The following PTPRD variants were observed in gnomAD, a reference collection of about 807,000 sequenced individuals.
The protein encoded by PTPRD is protein tyrosine phosphatase receptor type D.
A neutral mutation model predicts 214.5 loss-of-function variants in PTPRD; 34 were observed. The ratio of observed to expected loss-of-function variants is 0.16; its 90% CI spans 0.12 to 0.21. The LOEUF is 0.21. PTPRD is among the 10% of genes least tolerant of loss of function. The probability of loss-of-function intolerance (pLI) is 1.00; values close to 1 mark genes in which losing one functional copy is unlikely to be tolerated. For missense variants in PTPRD, 2,545 were observed against 2,398.7 expected, an observed-to-expected ratio of 1.06 and a Z score of -1.27; for synonymous variants, 1,128 against 845.7, an observed-to-expected ratio of 1.33 and a Z score of -5.79.
intron 2 of PTPRD, among the ~76,000 whole-genome samples, chr9:10,468,328 G>C (rs550101778): frequency 1.3e-5 from 2 of 152,116 alleles, no homozygotes; most frequent in Admixed American, 1.3e-4. Context: ...CCATAAAAAA[G>C]GATGAGTTCA....
At chr9:9,578,963 A>C (rs1014618450) in intron 7 of PTPRD, among the ~76,000 whole-genome samples, 1 of 152,122 alleles carries the variant, frequency 6.6e-6, no homozygotes, top group Non-Finnish European at 1.5e-5. Flanking sequence ...TAATTCTGAT[A>C]ATTATATTTT....
chr9:8,493,763 T>C (rs1286640550), intron 26 of PTPRD, among the ~76,000 whole-genome samples: 1 of 152,186 alleles, frequency 6.6e-6, no homozygotes, highest in Non-Finnish European at 1.5e-5. Context: ...TTTCTAAAAA[T>C]TGTTAAATAT....
intron 11 of PTPRD, among the ~76,000 whole-genome samples, chr9:8,840,088 G>C (rs953244522): frequency 1.1e-4 from 17 of 152,162 alleles, no homozygotes; most frequent in African/African-American, 4.1e-4. Context: ...CTTTGAAATA[G>C]ATGAATAAAA....
intron 3 of PTPRD, among the ~76,000 whole-genome samples, chr9:10,112,322 T>A (rs1219845758): frequency 6.6e-6 from 1 of 152,192 alleles, no homozygotes; most frequent in Non-Finnish European, 1.5e-5. Context: ...ATGGAGTTAA[T>A]AGGAGGCTCA....
In PTPRD at chr9:9,173,553, A is replaced by C. The variant is rs565943486; in HGVS notation, c.-143+9751T>G. Among the ~76,000 whole-genome samples, 3 of 152,292 alleles carry C rather than the reference A, an allele frequency of 2.0e-5. No homozygotes were observed. The South Asian group carries it at 6.2e-4, about 32-fold the overall frequency. ...GTATAGCCTACTACCCACCTAGGCTATATGGTATAGCTTATTACTCCTAGG... is the reference window on the plus strand; with the variant it reads ...GTATAGCCTACTACCCACCTAGGCTCTATGGTATAGCTTATTACTCCTAGG... On this transcript the variant is annotated intron_variant, in intron 10 of 45. Coordinates refer to ENST00000381196, the MANE Select transcript of PTPRD (RefSeq NM_002839.4).
At chr9:8,771,318 T>G (rs575719334) in intron 11 of PTPRD, among the ~76,000 whole-genome samples, 17 of 152,344 alleles carry the variant, frequency 1.1e-4, no homozygotes, top group Admixed American at 3.9e-4. Flanking sequence ...AAACCAGGCA[T>G]GTATGCAAGT....
intron 8 of PTPRD, among the ~76,000 whole-genome samples, chr9:9,465,900 G>A (rs1589154216): frequency 6.6e-6 from 1 of 151,902 alleles, no homozygotes; most frequent in Non-Finnish European, 1.5e-5. Flanking sequence ...ACACCCAATC[G>A]GCCACAACCA....
intron 4 of PTPRD, among the ~76,000 whole-genome samples, chr9:9,945,073 T>TA (rs1200101983): frequency 6.6e-6 from 1 of 152,160 alleles, no homozygotes; most frequent in African/African-American, 2.4e-5. Context: ...TGTGGTATGT[T>TA]AAAAGAAATT....
intron 3 of PTPRD, among the ~76,000 whole-genome samples, chr9:10,278,814 G>A (rs188168840): frequency 0.044 from 6,613 of 151,402 alleles, 392 homozygotes; most frequent in Admixed American, 0.17. Flanking sequence ...TCGCTCTGTT[G>A]CCCAGGCTGG....
At chr9:10,475,572 C>T (rs137868832) in intron 2 of PTPRD, among the ~76,000 whole-genome samples, 9 of 152,068 alleles carry the variant, frequency 5.9e-5, no homozygotes, top group Non-Finnish European at 1.2e-4. Flanking sequence ...GGAGCTGGTA[C>T]CATTACTTCT....
chr9:10,119,529 T>C (rs1275455969), intron 3 of PTPRD, among the ~76,000 whole-genome samples: 1 of 151,996 alleles, frequency 6.6e-6, no homozygotes, highest in African/African-American at 2.4e-5. Context: ...ATAATTTTTA[T>C]AACAGAGTAT....
At position 8,466,892 on chromosome 9, in the gene PTPRD, A is replaced by G. The variant is rs7854741; in HGVS notation, c.3505-1217T>C. On this transcript the variant is annotated intron_variant, in intron 31 of 45. Transcript: ENST00000381196. ...AGTGTGATCTCTACTTAGTAGAATG[A>G]GAGCCTGGCATGATCAAGGCTAGGC... 6.7e-3 allele frequency among the ~76,000 whole-genome samples: 1,022 copies of G among 151,948 alleles called. 11 individuals carry two copies. Among genetic ancestry groups the G allele is most frequent in the African/African-American group, 0.023 (964 of 41,488 alleles).
At chr9:8,991,700 T>C (rs1291302728) in intron 11 of PTPRD, among the ~76,000 whole-genome samples, 3 of 152,178 alleles carry the variant, frequency 2.0e-5, no homozygotes, top group Non-Finnish European at 4.4e-5. Flanking sequence ...AATTTGCCTC[T>C]TAGGGTAATT....
rs73641495 is a variant in PTPRD at position 9,364,286 on chromosome 9, C to A, written c.-203+33163G>T. On this transcript the variant is annotated intron_variant, in intron 9 of 45. Transcript: ENST00000381196. ...ATTCATATACAGGCACTGTTCTATA[C>A]CCTGGATTACAGTAGTAAACAAAAT... is the stretch of plus-strand genomic sequence containing the variant. 7.6e-3 allele frequency among the ~76,000 whole-genome samples: 1,146 copies of A among 151,424 alleles called. 9 individuals carry two copies. The highest frequency in any genetic ancestry group is 0.026 in the African/African-American group (1,075 of 41,416).
chr9:8,460,854 T>C (rs955950497), intron 32 of PTPRD, among the ~76,000 whole-genome samples: 2 of 152,068 alleles, frequency 1.3e-5, no homozygotes, highest in African/African-American at 4.8e-5. Flanking sequence ...TTCTATATGG[T>C]GTATTAAATG....
chr9:9,983,496 C>A (rs1366734388), intron 4 of PTPRD, among the ~76,000 whole-genome samples: 1 of 152,288 alleles, frequency 6.6e-6, no homozygotes, highest in East Asian at 1.9e-4. Context: ...TTTATTACAA[C>A]CAACAATAAA....
chr9:10,022,421 T>A (rs1262534185), intron 4 of PTPRD, among the ~76,000 whole-genome samples: 1 of 150,068 alleles, frequency 6.7e-6, no homozygotes, highest in East Asian at 2.0e-4. Context: ...TGAATAAATG[T>A]TTGTTGAATG....
At chr9:9,312,111 C>A (rs1391790136) in intron 9 of PTPRD, among the ~76,000 whole-genome samples, 1 of 152,126 alleles carries the variant, frequency 6.6e-6, no homozygotes, top group East Asian at 1.9e-4. Context: ...CCTCACAGAT[C>A]ATAAACATTA....
chr9:9,920,299 C>T (rs975156700), intron 5 of PTPRD, among the ~76,000 whole-genome samples: 1 of 152,080 alleles, frequency 6.6e-6, no homozygotes, highest in African/African-American at 2.4e-5. Flanking sequence ...TTCTTGTTTA[C>T]ATAGGCTGTG....
Sources: gnomAD v4.1 joint callset for allele counts (sites outside exome capture counted in the v4.1 genomes callset) on GRCh38, gnomAD v4.1.1 for gene constraint, MANE v1.5 for transcripts, NCBI Gene and HGNC (gene_info 2026-07-23, HGNC 2026-07-21) for gene names.